GPC5: variants seen among roughly 807,000 people sequenced by gnomAD.
GPC5 encodes the protein glypican 5.
In GPC5, 47 loss-of-function variants were observed where a neutral mutation model predicts 53.9. The ratio of observed to expected loss-of-function variants is 0.87; its 90% confidence interval spans 0.69 to 1.11. The LOEUF is 1.11. Among genes scored for constraint, GPC5 ranks in the 50% most tolerant of loss-of-function variants. GPC5 has a pLI of 0.00. For synonymous variants in GPC5, 286 were observed against 263.3 expected (o/e 1.09, Z -0.84); for missense variants, 748 against 713.1 (o/e 1.05, Z -0.56).
chr13:92,427,230 A>G (rs2139369653), intron 7 of GPC5, among the ~76,000 whole-genome samples: 1 of 151,308 alleles, frequency 6.6e-6, no homozygotes, highest in East Asian at 1.9e-4. Context: ...TCAGGGATGA[A>G]TCTGACTCTG....
At chr13:91,490,261 T>A (rs182599115) in intron 2 of GPC5, among the ~76,000 whole-genome samples, 3 of 152,280 alleles carry the variant, frequency 2.0e-5, no homozygotes, top group Admixed American at 2.0e-4. Context: ...TACAGCAGGA[T>A]GAGTCAGTAG....
chr13:92,741,286 G>C (rs753947646), intron 7 of GPC5, among the ~76,000 whole-genome samples: 1 of 151,546 alleles, frequency 6.6e-6, no homozygotes, highest in Admixed American at 6.6e-5. Flanking sequence ...TCATGGGAGC[G>C]GAACTGGTTG....
intron 2 of GPC5, among the ~76,000 whole-genome samples, chr13:91,535,293 T>C (rs547690351): frequency 6.6e-6 from 1 of 152,334 alleles, no homozygotes; most frequent in South Asian, 2.1e-4. Flanking sequence ...TTATGTACTC[T>C]AAACCCTGAT....
intron 7 of GPC5, among the ~76,000 whole-genome samples, chr13:92,390,668 C>T (rs765550461): frequency 6.6e-6 from 1 of 151,992 alleles, no homozygotes; most frequent in African/African-American, 2.4e-5. Flanking sequence ...TTGTATTTAT[C>T]GTATGTTTCT....
At chr13:91,952,344 T>A (rs1213396254) in intron 6 of GPC5, among the ~76,000 whole-genome samples, 3 of 152,076 alleles carry the variant, frequency 2.0e-5, no homozygotes, top group Non-Finnish European at 4.4e-5. Flanking sequence ...GCAGGCTCAG[T>A]GATGTTAAGT....
chr13:91,799,434 C>T (rs1594574891), intron 5 of GPC5, among the ~76,000 whole-genome samples: 1 of 152,104 alleles, frequency 6.6e-6, no homozygotes, highest in Admixed American at 6.5e-5. Context: ...CTCAGCATCA[C>T]ACAATATACC....
At chr13:92,385,767 GTATATATACATATATGTATATATATACA>G (rs1566568229) in intron 7 of GPC5, among the ~76,000 whole-genome samples, 2 of 76,702 alleles carry the variant, frequency 2.6e-5, no homozygotes, top group African/African-American at 1.1e-4. Flanking sequence ...ATATATATAC[GTATATATACATATATGTATATATATACA>G]TATATACGTA....
At chr13:92,478,674 GA>G (rs1879238252) in intron 7 of GPC5, among the ~76,000 whole-genome samples, 1 of 152,100 alleles carries the variant, frequency 6.6e-6, no homozygotes, top group African/African-American at 2.4e-5. Context: ...AAATCAGATT[GA>G]ATTTGGGGGG....
intron 7 of GPC5, among the ~76,000 whole-genome samples, chr13:92,149,653 G>A (rs1402628788): frequency 2.6e-5 from 4 of 151,892 alleles, no homozygotes; most frequent in African/African-American, 7.2e-5. Context: ...TGAAGAATAA[G>A]GGAAGGTGAT....
intron 7 of GPC5, among the ~76,000 whole-genome samples, chr13:92,385,399 C>CATATAT (rs1204687376): frequency 0.012 from 659 of 57,232 alleles, 29 homozygotes; most frequent in African/African-American, 0.018. Context: ...TACATATATA[C>CATATAT]ACATATATAC....
chr13:92,492,280 C>CTT (rs201056974), intron 7 of GPC5, among the ~76,000 whole-genome samples: 3 of 148,716 alleles, frequency 2.0e-5, no homozygotes, highest in African/African-American at 4.9e-5. Context: ...TTCTTTTTTT[C>CTT]TTTTTTTTTA....
chr13:92,685,543 C>CATTTTTTTTTTTTTTTTA (rs1887238716), intron 7 of GPC5, among the ~76,000 whole-genome samples: 1 of 65,030 alleles, frequency 1.5e-5, no homozygotes, highest in Non-Finnish European at 3.0e-5. Context: ...AAATTATGCT[C>CATTTTTTTTTTTTTTTTA]ATTTTTTTTT....
At chr13:92,509,155 A>G (rs1020947517) in intron 7 of GPC5, among the ~76,000 whole-genome samples, 1 of 152,212 alleles carries the variant, frequency 6.6e-6, no homozygotes, top group African/African-American at 2.4e-5. Flanking sequence ...TATAGGCTCT[A>G]TCATGATTTA....
At chr13:91,563,261 A>G (rs1005592989) in intron 2 of GPC5, among the ~76,000 whole-genome samples, 3 of 152,282 alleles carry the variant, frequency 2.0e-5, no homozygotes, top group African/African-American at 7.2e-5. Context: ...ATACAGATTC[A>G]CATACACAAA....
intron 2 of GPC5, among the ~76,000 whole-genome samples, chr13:91,471,002 A>AT (rs1232592012): frequency 2.0e-5 from 3 of 152,124 alleles, no homozygotes; most frequent in African/African-American, 7.2e-5. Context: ...TGAAGTGCTG[A>AT]TTACGAAGAC....
chr13:92,480,424 A>G (rs938801327), intron 7 of GPC5, among the ~76,000 whole-genome samples: 5 of 152,216 alleles, frequency 3.3e-5, no homozygotes, highest in Admixed American at 6.5e-5. Flanking sequence ...GGATCATAAC[A>G]TAAAATAATT....
At chr13:91,975,676 C>A (rs1240722882) in intron 6 of GPC5, among the ~76,000 whole-genome samples, 1 of 152,120 alleles carries the variant, frequency 6.6e-6, no homozygotes, top group Non-Finnish European at 1.5e-5. Context: ...GTTGGTGGGA[C>A]TGTAAACTAA....
intron 6 of GPC5, among the ~76,000 whole-genome samples, chr13:92,062,252 A>C (rs1257812082): frequency 6.6e-6 from 1 of 151,920 alleles, no homozygotes; most frequent in East Asian, 1.9e-4. Flanking sequence ...TAAAGGATAG[A>C]TTTTCATCTA....
chr13:91,833,252 A>G (rs1257155288), intron 5 of GPC5, among the ~76,000 whole-genome samples: 9 of 152,192 alleles, frequency 5.9e-5, no homozygotes, highest in Admixed American at 2.0e-4. Flanking sequence ...GCAGCAATTA[A>G]TAGCCTACCA....
Sources: gnomAD v4.1 joint callset for allele counts (sites outside exome capture counted in the v4.1 genomes callset) on GRCh38, gnomAD v4.1.1 for gene constraint, MANE v1.5 for transcripts, NCBI Gene and HGNC (gene_info 2026-07-23, HGNC 2026-07-21) for gene names.